ARHGAP24: variants seen among roughly 807,000 people sequenced by gnomAD.
ARHGAP24 encodes rho GTPase-activating protein 24.
Under a neutral mutation model 76.4 loss-of-function variants are expected in ARHGAP24, and 50 were observed. The observed-to-expected ratio is 0.65, with a 90% confidence interval of 0.52 to 0.83. The LOEUF is 0.83. Among genes scored for constraint, ARHGAP24 ranks in the 40% least tolerant of loss-of-function variants. ARHGAP24 has a pLI of 0.00. For missense variants in ARHGAP24, 930 were observed against 914.2 expected, an observed-to-expected ratio of 1.02 and a Z score of -0.22; for synonymous variants, 345 against 323.3, an observed-to-expected ratio of 1.07 and a Z score of -0.72.
intron 3 of ARHGAP24, among the ~76,000 whole-genome samples, chr4:85,858,867 A>C (rs895867972): frequency 3.9e-5 from 6 of 152,130 alleles, no homozygotes; most frequent in African/African-American, 1.4e-4. Context: ...TAAAAATAAA[A>C]ATAAATGAAT....
rs186206289 is a variant in ARHGAP24, at chr4:85,737,051, G to T, written c.268+15079G>T. Reference sequence around the variant, plus strand: ...TGTGTGAAAATCAATTGATGTGAAGGTACTCAATGGAAAAAGAATGAGATG... The same window carrying T: ...TGTGTGAAAATCAATTGATGTGAAGTTACTCAATGGAAAAAGAATGAGATG... On this transcript the variant is annotated intron_variant, in intron 3 of 9. Coordinates refer to ENST00000395184, the MANE Select transcript of ARHGAP24 (RefSeq NM_001025616.3). Among the ~76,000 whole-genome samples, 36 of 152,136 alleles carry T rather than the reference G, an allele frequency of 2.4e-4. No homozygotes were observed. In the Middle Eastern group the frequency reaches 0.01, roughly 43 times the overall value.
intron 1 of ARHGAP24, among the ~76,000 whole-genome samples, chr4:85,479,152 G>A (rs1163723197): frequency 1.3e-5 from 2 of 152,130 alleles, no homozygotes; most frequent in African/African-American, 4.8e-5. Context: ...TGGTCTTAGA[G>A]TTCATTTTCC....
chr4:85,759,799 G>A (rs1287432739), intron 3 of ARHGAP24, among the ~76,000 whole-genome samples: 1 of 152,188 alleles, frequency 6.6e-6, no homozygotes, highest in Non-Finnish European at 1.5e-5. Flanking sequence ...GAAACTCTCA[G>A]CAGGCTTTAT....
intron 3 of ARHGAP24, among the ~76,000 whole-genome samples, chr4:85,772,839 A>G (rs1340355614): frequency 6.6e-6 from 1 of 152,180 alleles, no homozygotes; most frequent in African/African-American, 2.4e-5. Flanking sequence ...ATTCTAAACA[A>G]TGTCTTTGAG....
intron 3 of ARHGAP24, among the ~76,000 whole-genome samples, chr4:85,900,030 A>C (rs1734407354): frequency 6.6e-6 from 1 of 152,262 alleles, no homozygotes; most frequent in Admixed American, 6.5e-5. Flanking sequence ...TGGCTAATAT[A>C]ACAAAGAAAC....
intron 2 of ARHGAP24, among the ~76,000 whole-genome samples, chr4:85,620,493 T>C (rs752496366): frequency 6.6e-6 from 1 of 151,868 alleles, no homozygotes; most frequent in South Asian, 2.1e-4. Context: ...GTTTCGGTTG[T>C]AATGTAGTTT....
chr4:85,597,746 A>G (rs1719892356), intron 2 of ARHGAP24, among the ~76,000 whole-genome samples: 1 of 152,080 alleles, frequency 6.6e-6, no homozygotes, highest in South Asian at 2.1e-4. Flanking sequence ...TATTGTAAAT[A>G]CCTTGATATT....
intron 2 of ARHGAP24, among the ~76,000 whole-genome samples, chr4:85,660,592 T>C (rs2109991332): frequency 6.6e-6 from 1 of 151,900 alleles, no homozygotes; most frequent in East Asian, 1.9e-4. Flanking sequence ...GGTCAGGAGT[T>C]TGAGACCATC....
intron 5 of ARHGAP24, among the ~76,000 whole-genome samples, chr4:85,971,049 A>T (rs1311417305): frequency 6.6e-6 from 1 of 152,218 alleles, no homozygotes; most frequent in South Asian, 2.1e-4. Context: ...AAGGACGTTA[A>T]GTTTTCATTG....
chr4:85,487,702 AT>A lies in ARHGAP24; in HGVS notation c.-21+12145del, dbSNP rs1285583302. On this transcript the variant is annotated intron_variant, in intron 1 of 9. Coordinates refer to ENST00000395184, the MANE Select transcript of ARHGAP24 (RefSeq NM_001025616.3). Reference sequence around the variant, plus strand: ...TATTATATTATATAAATATATATTTATTATATTATATAAATATATATTTATA... The same window carrying A: ...TATTATATTATATAAATATATATTTATATATTATATAAATATATATTTATA... Among the ~76,000 whole-genome samples, 9 of 105,474 alleles carry A rather than the reference AT, an allele frequency of 8.5e-5. No homozygotes were observed. In the Admixed American group the frequency reaches 1.2e-3, roughly 15 times the overall value. The allele number at this position is 105,474 out of a possible 152,430, so 69.2% of individuals were successfully genotyped here.
At position 85,926,003 on chromosome 4, in the gene ARHGAP24, T is replaced by TAGTTATTTTCTCCCC. The variant is rs1198618297; in HGVS notation, c.391+2234_391+2248dup. 2.0e-5 allele frequency among the ~76,000 whole-genome samples: 3 copies of TAGTTATTTTCTCCCC among 152,180 alleles called. No homozygotes were observed. The East Asian group carries it at 5.8e-4, about 29-fold the overall frequency. ...TTGAGGGATTATTTATATCAAGTGT[T>TAGTTATTTTCTCCCC]AGTTATTTTCTCCCCTTTCTCCTCT... On this transcript the variant is annotated intron_variant, in intron 4 of 9. Coordinates refer to ENST00000395184, the MANE Select transcript of ARHGAP24 (RefSeq NM_001025616.3).
At chr4:85,864,451 A>G (rs140164345) in intron 3 of ARHGAP24, among the ~76,000 whole-genome samples, 1 of 152,238 alleles carries the variant, frequency 6.6e-6, no homozygotes, top group Non-Finnish European at 1.5e-5. Context: ...AGAGGATGGA[A>G]TTAACCATGT....
chr4:85,812,902 G>A (rs1335956304), intron 3 of ARHGAP24, among the ~76,000 whole-genome samples: 1 of 152,134 alleles, frequency 6.6e-6, no homozygotes, highest in Non-Finnish European at 1.5e-5. Flanking sequence ...ATTACACCGT[G>A]ACCCCATTTC....
intron 3 of ARHGAP24, among the ~76,000 whole-genome samples, chr4:85,723,916 T>C (rs573216199): frequency 7.2e-4 from 110 of 152,356 alleles, no homozygotes; most frequent in African/African-American, 2.6e-3. Context: ...ATTTGCATTA[T>C]TGGGGTTATT....
intron 5 of ARHGAP24, among the ~76,000 whole-genome samples, chr4:85,958,826 G>T (rs1029944951): frequency 6.6e-5 from 10 of 152,050 alleles, no homozygotes; most frequent in Non-Finnish European, 1.2e-4. Flanking sequence ...GTTATCCTCA[G>T]CTCCTCTTCC....
At chr4:85,860,939 A>G (rs892318368) in intron 3 of ARHGAP24, among the ~76,000 whole-genome samples, 1 of 151,810 alleles carries the variant, frequency 6.6e-6, no homozygotes, top group Admixed American at 6.6e-5. Context: ...TTTAATATCT[A>G]TCTTCTCCCT....
At chr4:85,550,940 C>T (rs1021941473) in intron 1 of ARHGAP24, among the ~76,000 whole-genome samples, 5 of 152,098 alleles carry the variant, frequency 3.3e-5, no homozygotes, top group East Asian at 1.9e-4. Context: ...GCTGATACAA[C>T]AAGGTTTTAT....
intron 3 of ARHGAP24, among the ~76,000 whole-genome samples, chr4:85,865,611 A>G (rs1309187289): frequency 1.3e-5 from 2 of 149,254 alleles, no homozygotes; most frequent in East Asian, 3.9e-4. Flanking sequence ...CATGCATTAT[A>G]ATTAGGGAAT....
At chr4:85,909,164 T>C (rs1021805981) in intron 3 of ARHGAP24, among the ~76,000 whole-genome samples, 3 of 152,240 alleles carry the variant, frequency 2.0e-5, no homozygotes, top group African/African-American at 7.2e-5. Context: ...TTTTTCAATA[T>C]CTAAAATACT....
Sources: allele counts gnomAD v4.1 joint callset (sites outside exome capture counted in the v4.1 genomes callset), GRCh38; gene constraint gnomAD v4.1.1; transcripts MANE v1.5; gene names NCBI Gene and HGNC (gene_info 2026-07-23, HGNC 2026-07-21).